Variants in ERI2 observed in about 807,000 individuals in gnomAD.
ERI2 encodes ERI1 exoribonuclease family member 2, also known as ERI1 exoribonuclease 2.
In ERI2, 35 loss-of-function variants were observed where a neutral mutation model predicts 46.8. The observed-to-expected ratio is 0.75, with a 90% CI of 0.57 to 0.99. The LOEUF is 0.99. ERI2 is among the 50% of genes least tolerant of loss of function. The probability of loss-of-function intolerance (pLI) is 0.00; values close to 1 mark genes in which losing one functional copy is unlikely to be tolerated. For synonymous variants in ERI2, 224 were observed against 271.0 expected, an observed-to-expected ratio of 0.83 and a Z score of 1.70; for missense variants, 695 against 796.2, an observed-to-expected ratio of 0.87 and a Z score of 1.53.
Position 20,804,093 on chromosome 16 carries a change from A to G in ERI2, c.24-423T>C, listed in dbSNP as rs561422459. On this transcript the variant is annotated intron_variant, in intron 1 of 8. Transcript: ENST00000357967. Reference sequence around the variant, plus strand: ...CATCTCGAACTCCTGAGCTCCAGCAATCCTCCCACCTCAGCCCCTCAAAGT... The same window carrying G: ...CATCTCGAACTCCTGAGCTCCAGCAGTCCTCCCACCTCAGCCCCTCAAAGT... Among the ~76,000 whole-genome samples, 4 of 151,770 alleles carry G rather than the reference A, an allele frequency of 2.6e-5. No homozygotes were observed. The East Asian group carries it at 7.8e-4, about 30-fold the overall frequency.
chr16:20,797,801 T>C lies in ERI2; in HGVS notation c.1999A>G (p.Thr667Ala). The change falls in exon 9 of 9, where the codon ACA becomes GCA. Residue 667 changes from threonine (T) to alanine (A), a missense_variant. Thr to Ala is a moderately conservative substitution (Grantham distance 58). Coordinates refer to ENST00000357967, the MANE Select transcript of ERI2 (RefSeq NM_001142725.2). ...AAATTTCTGTCACAAATATGGCTTGTTTCTGGAGAACTAAAAGTGAGTCCC... is the reference window on the plus strand; with the variant it reads ...AAATTTCTGTCACAAATATGGCTTGCTTCTGGAGAACTAAAAGTGAGTCCC... ...TGGLTFSSPE[T>A]SHICDRNLSI... The C allele has an allele frequency of 6.4e-7, 1 of 1,551,364 alleles. No individual in the cohort carries two copies. Among genetic ancestry groups the C allele is most frequent in the Non-Finnish European group, 8.7e-7 (1 of 1,146,852 alleles).
intron 1 of ERI2, among the ~76,000 whole-genome samples, chr16:20,805,304 A>G (rs891699196): frequency 1.3e-5 from 2 of 152,098 alleles, no homozygotes; most frequent in African/African-American, 4.8e-5. Flanking sequence ...GCATGCCTGT[A>G]ATCCCAGCTA....
In ERI2 at chr16:20,790,518, C is replaced by A. The variant is rs889170383; in HGVS notation, c.815+332G>T. 8.1e-5 allele frequency: 117 copies of A among 1,443,472 alleles called. 1 individual carries two copies. The South Asian group carries it at 1.4e-3, about 17-fold the overall frequency. The allele number at this position is 1,443,472 out of a possible 1,614,324, so 89.4% of individuals were successfully genotyped here. On this transcript the variant is annotated intron_variant, in intron 9 of 10. Coordinates refer to the ERI2 transcript ENST00000300005. This position sits in a 1 kb window ranked among gnomAD's most constrained non-coding sequence, Gnocchi z 4.0. Reference sequence around the variant, plus strand: ...ATGGCAAAAGCCAAAATAAAACTTGCAAAGTTAATATTTAAGCTGCGACAT... The same window carrying A: ...ATGGCAAAAGCCAAAATAAAACTTGAAAAGTTAATATTTAAGCTGCGACAT...
exon 10 of ERI2, chr16:20,789,539 G>A (rs1211999865): frequency 1.2e-6 from 2 of 1,612,816 alleles, no homozygotes; most frequent in Non-Finnish European, 1.7e-6. Context: ...TCTGAAGTAA[G>A]GTTCTGTAGG....
At chr16:20,785,142 C>A in intron 10 of ERI2, 1 of 1,609,670 alleles carries the variant, frequency 6.2e-7, no homozygotes, top group South Asian at 1.1e-5. Flanking sequence ...TAGCTGGATT[C>A]CATTTAGTCA....
intron 10 of ERI2, among the ~76,000 whole-genome samples, chr16:20,787,123 G>C (rs1363750981): frequency 6.6e-6 from 1 of 152,172 alleles, no homozygotes; most frequent in African/African-American, 2.4e-5. Context: ...TTCAAAGCTG[G>C]GTGTAGCCAA....
exon 11 of ERI2, chr16:20,780,576 C>T: frequency 6.4e-7 from 1 of 1,573,596 alleles, no homozygotes; most frequent in African/African-American, 1.3e-5. Flanking sequence ...TGGCTTTTAC[C>T]CTGTAATTCA....
rs968533619 is a variant in ERI2, at chr16:20,790,027, G to A, written c.816-470C>T. The stretch of plus-strand genomic sequence containing the variant: ...TTGTCTCAAAGGATATTACCAAAAT[G>A]TGATTATTGCTGGATGGTAAAATTT... On this transcript the variant is annotated intron_variant, in intron 9 of 10. Coordinates refer to the ERI2 transcript ENST00000300005. This position sits in a 1 kb window ranked among gnomAD's most constrained non-coding sequence, Gnocchi z 4.0. 7.9e-5 allele frequency among the ~76,000 whole-genome samples: 12 copies of A among 152,052 alleles called. No individual in the cohort carries two copies. The highest frequency in any genetic ancestry group is 1.6e-4 in the Non-Finnish European group (11 of 68,026).
chr16:20,796,698 A>G lies in ERI2; in HGVS notation c.*1026T>C, dbSNP rs1059676. The stretch of plus-strand genomic sequence containing the variant: ...TGGTCCTTTGGCTTACTGGACTCAC[A>G]GTAAATACTTAATATCAAGACAACT... On this transcript the variant is annotated 3_prime_UTR_variant, in exon 9 of 9. Coordinates refer to ENST00000357967, the MANE Select transcript of ERI2 (RefSeq NM_001142725.2). The G allele has an allele frequency of 0.077, 114,072 of 1,480,730 alleles. 4,903 individuals carry two copies. The highest frequency in any genetic ancestry group is 0.15 in the East Asian group (6,218 of 40,370). 91.7% of individuals were successfully genotyped at this position (1,480,730 alleles called of 1,614,324 possible).
chr16:20,805,382 A>ACC (rs2080849933), intron 1 of ERI2, among the ~76,000 whole-genome samples: 1 of 151,494 alleles, frequency 6.6e-6, no homozygotes, highest in African/African-American at 2.4e-5. Context: ...CCGAGATCGC[A>ACC]CCACTGCACT....
chr16:20,803,561 T>C, intron 2 of ERI2, 42 bp downstream of exon 2: 2 of 1,614,020 alleles, frequency 1.2e-6, no homozygotes, highest in Non-Finnish European at 1.7e-6. Context: ...GTGCTGAAAA[T>C]GCAAGGCTAC....
chr16:20,801,876 A>T (rs1214404300), intron 4 of ERI2, among the ~76,000 whole-genome samples: 1 of 152,018 alleles, frequency 6.6e-6, no homozygotes, highest in Non-Finnish European at 1.5e-5. Context: ...CTCCTGCCTC[A>T]GCCTCCCAAG....
At position 20,796,586 on chromosome 16, in the gene ERI2, GCAC is replaced by G; in HGVS notation, c.*1135_*1137del. ...AATGAATATTTTCTTCACACATGCT[GCAC>G]CACATGTCCCAAACTGAACTGATGA... On this transcript the variant is annotated 3_prime_UTR_variant, in exon 9 of 9. Coordinates refer to ENST00000357967, the MANE Select transcript of ERI2 (RefSeq NM_001142725.2). The G allele has an allele frequency of 6.4e-7, 1 of 1,569,822 alleles. No homozygotes were observed. Among genetic ancestry groups the G allele is most frequent in the Non-Finnish European group, 8.6e-7 (1 of 1,166,310 alleles).
In ERI2 at chr16:20,798,019, G is replaced by A. The variant is rs574963225; in HGVS notation, c.1781C>T (p.Pro594Leu). 1 of 1,551,844 alleles carries A rather than the reference G, an allele frequency of 6.4e-7. No homozygotes were observed. The highest frequency in any genetic ancestry group is 2.0e-5 in the Admixed American group (1 of 50,992). ...QEPWKSGKMT[P>L]PLCKCGRRSK... is the part of the protein sequence containing the mutation. ...TCTCCGACCACACTTGCATAATGGA[G>A]GTGTCATTTTCCCACTCTTCCATGG... Residue 594 changes from proline to leucine, a missense_variant, in exon 9 of 9, where the codon CCT becomes CTT. Physicochemically the swap from Pro to Leu is moderately conservative, Grantham distance 98. Transcript: ENST00000357967.
At chr16:20,804,378 GAT>G (rs1567373082) in intron 1 of ERI2, among the ~76,000 whole-genome samples, 1 of 152,090 alleles carries the variant, frequency 6.6e-6, no homozygotes, top group South Asian at 2.1e-4. Context: ...AGAAACAAAA[GAT>G]AGGGCCAGGT....
chr16:20,798,712 G>A lies in ERI2; in HGVS notation c.1088C>T (p.Ala363Val). Residue 363 changes from alanine to valine, a missense_variant, in exon 9 of 9, where the codon GCA becomes GTA. Ala to Val is a moderately conservative substitution (Grantham distance 64, BLOSUM62 0). Transcript: ENST00000357967. ...TGAAGCCTTAGATTTGGTATTAAAT[G>A]CAAGATGTTCATTTTTTCCTTGCTT... is the stretch of plus-strand genomic sequence containing the variant. ...MQKQGKNEHLAFNTKSKASTV... is the reference protein window; with the variant it reads ...MQKQGKNEHLVFNTKSKASTV... 1.3e-6 allele frequency: 2 copies of A among 1,551,638 alleles called. No individual in the cohort carries two copies. The highest frequency in any genetic ancestry group is 1.2e-5 in the South Asian group (1 of 84,060).
intron 10 of ERI2, among the ~76,000 whole-genome samples, chr16:20,789,139 A>AT (rs373236106): frequency 1.3e-5 from 2 of 152,180 alleles, no homozygotes; most frequent in Admixed American, 6.5e-5. Flanking sequence ...TGCTAATCTG[A>AT]TTTTTTTAAT....
Position 20,796,700 on chromosome 16 carries a change from T to C in ERI2, c.*1024A>G, listed in dbSNP as rs2080730461. The C allele has an allele frequency of 6.8e-7, 1 of 1,481,162 alleles. No homozygotes were observed. The highest frequency in any genetic ancestry group is 1.4e-5 in the African/African-American group (1 of 69,964). 91.8% of individuals were successfully genotyped at this position (1,481,162 alleles called of 1,614,324 possible). A position where few individuals can be genotyped will look rare whatever the true frequency, so the allele number is the denominator to read the frequency against. ...GTCCTTTGGCTTACTGGACTCACAG[T>C]AAATACTTAATATCAAGACAACTTT... On this transcript the variant is annotated 3_prime_UTR_variant, in exon 9 of 9. Coordinates refer to ENST00000357967, the MANE Select transcript of ERI2 (RefSeq NM_001142725.2).
rs141403100 is a variant in ERI2, at chr16:20,796,919, A to G, written c.*805T>C. On this transcript the variant is annotated 3_prime_UTR_variant, in exon 9 of 9. Coordinates refer to ENST00000357967, the MANE Select transcript of ERI2 (RefSeq NM_001142725.2). ...TATTCAAGAGCTGCCAAAGACTATC[A>G]GTGGGAAGACAAAAAGAAATGAACT... The G allele has an allele frequency of 3.7e-6, 6 of 1,612,932 alleles. No individual in the cohort carries two copies. The African/African-American group carries it at 8.0e-5, about 22-fold the overall frequency.
Sources: gnomAD v4.1 joint callset for allele counts (sites outside exome capture counted in the v4.1 genomes callset) on GRCh38, gnomAD v4.1.1 for gene constraint, Gnocchi (gnomAD v3.1) non-coding constraint, MANE v1.5 for transcripts, NCBI Gene and HGNC (gene_info 2026-07-23, HGNC 2026-07-21) for gene names.